PLXNA4: variants seen among roughly 807,000 people sequenced by gnomAD.
PLXNA4 encodes plexin-A4.
A neutral mutation model predicts 191.8 loss-of-function variants in PLXNA4; 44 were observed. The observed-to-expected ratio is 0.23, with a 90% confidence interval of 0.18 to 0.29. The LOEUF (loss-of-function observed/expected upper bound fraction) is 0.29, where lower values mean the gene tolerates loss of function less well. Among genes scored for constraint, PLXNA4 ranks in the 10% least tolerant of loss-of-function variants. The pLI, the probability that PLXNA4 is intolerant of heterozygous loss-of-function variation, is 1.00. For synonymous variants in PLXNA4, 1,082 were observed against 1,009.5 expected, an observed-to-expected ratio of 1.07 and a Z score of -1.36; for missense variants, 1,800 against 2,488.8, an observed-to-expected ratio of 0.72 and a Z score of 5.89.
chr7:132,513,765 C>T (rs1798831507), intron 1 of PLXNA4, among the ~76,000 whole-genome samples: 1 of 151,168 alleles, frequency 6.6e-6, no homozygotes, highest in East Asian at 2.0e-4. Context: ...TTCCACCTCC[C>T]AGGGGTTCAA....
rs759206410 is a variant in PLXNA4 at position 132,124,428 on chromosome 7, C to T, written c.*6051G>A. The T allele has an allele frequency of 1.3e-5, 2 of 152,168 alleles. No individual in the cohort carries two copies. Among genetic ancestry groups the T allele is most frequent in the African/African-American group, 2.4e-5 (1 of 41,440 alleles). 9.4% of individuals were successfully genotyped at this position (152,168 alleles called of 1,614,324 possible). On this transcript the variant is annotated 3_prime_UTR_variant, in exon 32 of 32. Transcript: ENST00000321063. ...GGTGAAGTGGTCTCGGTTTCTTAAG[C>T]GTCCTTTGGGTTGCTCTTTAACTGT... is the stretch of plus-strand genomic sequence containing the variant.
At chr7:132,254,672 G>A (rs1170081485) in intron 4 of PLXNA4, among the ~76,000 whole-genome samples, 3 of 152,216 alleles carry the variant, frequency 2.0e-5, no homozygotes, top group Non-Finnish European at 4.4e-5. Context: ...GTAATGCAGA[G>A]CTTCCCGCTT....
chr7:132,359,874 G>GA (rs1419182921), intron 3 of PLXNA4, among the ~76,000 whole-genome samples: 1 of 152,198 alleles, frequency 6.6e-6, no homozygotes, highest in Non-Finnish European at 1.5e-5. Context: ...GGGAAGTCCT[G>GA]AAAAATACCT....
chr7:132,647,050 T>C (rs1244548925), intron 1 of PLXNA4, among the ~76,000 whole-genome samples: 1 of 151,040 alleles, frequency 6.6e-6, no homozygotes, highest in East Asian at 1.9e-4. Context: ...CACACACATA[T>C]ACATTCACAA....
At chr7:132,521,197 A>T (rs1799167154) in intron 1 of PLXNA4, among the ~76,000 whole-genome samples, 1 of 151,492 alleles carries the variant, frequency 6.6e-6, no homozygotes, top group Non-Finnish European at 1.5e-5. Flanking sequence ...AAAAAAAAAA[A>T]AAAAATTCAG....
At chr7:132,314,177 T>C (rs1362118882) in intron 3 of PLXNA4, among the ~76,000 whole-genome samples, 1 of 152,224 alleles carries the variant, frequency 6.6e-6, no homozygotes, top group Non-Finnish European at 1.5e-5. Context: ...AACTTTTCTT[T>C]GGATTAAACA....
chr7:132,478,102 C>T (rs1410111240), intron 3 of PLXNA4, among the ~76,000 whole-genome samples: 1 of 152,172 alleles, frequency 6.6e-6, no homozygotes, highest in Non-Finnish European at 1.5e-5. Flanking sequence ...CTAGGGTCCC[C>T]AGCTGCCACA....
intron 4 of PLXNA4, among the ~76,000 whole-genome samples, chr7:132,263,608 T>C (rs1397410198): frequency 6.6e-6 from 1 of 152,198 alleles, no homozygotes; most frequent in East Asian, 1.9e-4. Context: ...TAGCAAATTG[T>C]CCACTGCATG....
intron 4 of PLXNA4, among the ~76,000 whole-genome samples, chr7:132,243,224 T>C (rs546270510): frequency 7.8e-4 from 119 of 152,346 alleles, no homozygotes; most frequent in Admixed American, 1.8e-3. Context: ...ATGGTGAAAG[T>C]TGGGAAACAT....
chr7:132,472,320 T>C (rs1796962561), intron 3 of PLXNA4, among the ~76,000 whole-genome samples: 1 of 152,230 alleles, frequency 6.6e-6, no homozygotes, highest in Non-Finnish European at 1.5e-5. Context: ...GCTTGTTTCT[T>C]AACTTGCTCT....
intron 21 of PLXNA4, among the ~76,000 whole-genome samples, chr7:132,172,947 A>G (rs192986811): frequency 5.9e-5 from 9 of 152,072 alleles, no homozygotes; most frequent in African/African-American, 1.9e-4. Flanking sequence ...CCGTCCTACA[A>G]CCCCCGTTTC....
chr7:132,164,148 T>A lies in PLXNA4; in HGVS notation c.4494A>T (p.Lys1498Asn). 6.2e-7 allele frequency: 1 copy of A among 1,613,906 alleles called. No homozygotes were observed. Among genetic ancestry groups the A allele is most frequent in the Non-Finnish European group, 8.5e-7 (1 of 1,180,030 alleles). Residue 1498 changes from lysine (K) to asparagine (N), a missense_variant, in exon 24 of 32, where the codon AAA becomes AAT. By Grantham distance (94) the Lys-to-Asn change is moderately conservative (BLOSUM62 0). Transcript: ENST00000321063. Reference sequence around the variant, plus strand: ...AACAGATGGGTGGGCTCACCAGGGTTTTGTAGTCAATCTGCTGGCGGATGA... The same window carrying A: ...AACAGATGGGTGGGCTCACCAGGGTATTGTAGTCAATCTGCTGGCGGATGA... ...DKLIRQQIDYKTLVLSCVSPD... is the reference protein window; with the variant it reads ...DKLIRQQIDYNTLVLSCVSPD...
intron 4 of PLXNA4, among the ~76,000 whole-genome samples, chr7:132,296,956 C>A (rs371728951): frequency 1.3e-5 from 2 of 151,946 alleles, no homozygotes; most frequent in African/African-American, 4.8e-5. Flanking sequence ...TGGCTGAAGT[C>A]GGGAGAACGG....
At chr7:132,259,436 C>CAAAAAAAAAAA (rs55902635) in intron 4 of PLXNA4, among the ~76,000 whole-genome samples, 50 of 33,866 alleles carry the variant, frequency 1.5e-3, no homozygotes, top group African/African-American at 3.5e-3. Context: ...AACTCCAACT[C>CAAAAAAAAAAA]AAAAAAAAAA....
rs1554384729 is a variant in PLXNA4, at chr7:132,188,995, A to AAAGGAAAGGAAAGGAAAGGAAAG, written c.2857-1389_2857-1388insCTTTCCTTTCCTTTCCTTTCCTT. The stretch of plus-strand genomic sequence containing the variant: ...AAAGGAAAGGAAAGGAAAGGAAAGG[A>AAAGGAAAGGAAAGGAAAGGAAAG]GAGAGAGAGAGAGAGAGAGAGAGAG... On this transcript the variant is annotated intron_variant, in intron 14 of 31. Transcript: ENST00000321063. 1.1e-3 allele frequency among the ~76,000 whole-genome samples: 29 copies of AAAGGAAAGGAAAGGAAAGGAAAG among 26,806 alleles called. 6 individuals carry two copies. Among genetic ancestry groups the AAAGGAAAGGAAAGGAAAGGAAAG allele is most frequent in the Non-Finnish European group, 1.9e-3 (25 of 12,992 alleles). The allele number at this position is 26,806 out of a possible 152,430, so 17.6% of individuals were successfully genotyped here.
chr7:132,377,903 C>A lies in PLXNA4; in HGVS notation c.1372-79681G>T, dbSNP rs139872682. On this transcript the variant is annotated intron_variant, in intron 3 of 31. Coordinates refer to ENST00000321063, the MANE Select transcript of PLXNA4 (RefSeq NM_020911.2). Reference sequence around the variant, plus strand: ...CACAAAAGAAAAGAACAGAAACACACACCCACGTTCTACTGGAGGCCGCGA... The same window carrying A: ...CACAAAAGAAAAGAACAGAAACACAAACCCACGTTCTACTGGAGGCCGCGA... Among the ~76,000 whole-genome samples the A allele has an allele frequency of 5.0e-3, 756 of 152,258 alleles. 5 individuals are homozygous for A. Among genetic ancestry groups the A allele is most frequent in the South Asian group, 7.9e-3 (38 of 4,812 alleles).
At chr7:132,407,921 A>G (rs891695232) in intron 3 of PLXNA4, among the ~76,000 whole-genome samples, 2 of 152,192 alleles carry the variant, frequency 1.3e-5, no homozygotes, top group African/African-American at 4.8e-5. Context: ...TTGGAACAAT[A>G]CTTTTGGAAA....
intron 11 of PLXNA4, 57 bp downstream of exon 11, chr7:132,203,266 C>T: frequency 6.6e-7 from 1 of 1,504,368 alleles, no homozygotes; most frequent in South Asian, 1.1e-5. Context: ...ACGGCTCCTT[C>T]CCTCTCTACC....
At chr7:132,413,566 C>T (rs1303005243) in intron 3 of PLXNA4, among the ~76,000 whole-genome samples, 1 of 150,600 alleles carries the variant, frequency 6.6e-6, no homozygotes, top group Non-Finnish European at 1.5e-5. Flanking sequence ...CAACTCAGAG[C>T]AAAACACAAT....
Sources: gnomAD v4.1 joint callset for allele counts (sites outside exome capture counted in the v4.1 genomes callset) on GRCh38, gnomAD v4.1.1 for gene constraint, MANE v1.5 for transcripts, NCBI Gene and HGNC (gene_info 2026-07-23, HGNC 2026-07-21) for gene names.